Variants in CDH18 observed in about 807,000 individuals in gnomAD.
CDH18 encodes cadherin-18.
A neutral mutation model predicts 67.9 loss-of-function variants in CDH18; 31 were observed. That is an observed-to-expected ratio of 0.46 (90% CI 0.34 to 0.62). The LOEUF is 0.62. Ranked by LOEUF, CDH18 falls within the 20% of genes least tolerant of loss-of-function variation. The probability of loss-of-function intolerance (pLI) is 0.01; values close to 1 mark genes in which losing one functional copy is unlikely to be tolerated. For synonymous variants in CDH18, 362 were observed against 347.2 expected, an observed-to-expected ratio of 1.04 and a Z score of -0.48; for missense variants, 890 against 975.5, an observed-to-expected ratio of 0.91 and a Z score of 1.17.
intron 2 of CDH18, among the ~76,000 whole-genome samples, chr5:20,002,317 G>A (rs1181655052): frequency 6.6e-6 from 1 of 152,114 alleles, no homozygotes; most frequent in Non-Finnish European, 1.5e-5. Flanking sequence ...TATTTTTAAT[G>A]GAATTTGGAA....
chr5:19,783,070 G>C (rs1775312898), intron 3 of CDH18, among the ~76,000 whole-genome samples: 1 of 152,132 alleles, frequency 6.6e-6, no homozygotes, highest in Non-Finnish European at 1.5e-5. Flanking sequence ...TTGAATGAAA[G>C]TTCTTTGCTG....
At chr5:20,448,133 A>G (rs1016777624) in intron 1 of CDH18, among the ~76,000 whole-genome samples, 2 of 151,324 alleles carry the variant, frequency 1.3e-5, no homozygotes, top group African/African-American at 4.9e-5. Flanking sequence ...CCCACCTATG[A>G]TTGAGAACAT....
intron 3 of CDH18, among the ~76,000 whole-genome samples, chr5:19,797,073 T>C (rs1471549653): frequency 6.6e-6 from 1 of 151,986 alleles, no homozygotes; most frequent in Non-Finnish European, 1.5e-5. Flanking sequence ...ATAAATGATT[T>C]AAATAAAATA....
intron 1 of CDH18, among the ~76,000 whole-genome samples, chr5:20,365,573 T>G (rs563920756): frequency 6.6e-6 from 1 of 152,224 alleles, no homozygotes; most frequent in African/African-American, 2.4e-5. Flanking sequence ...TTTATATTCT[T>G]ATGTTTATTG....
chr5:19,601,974 TA>T (rs1747210405), intron 6 of CDH18, among the ~76,000 whole-genome samples: 1 of 152,070 alleles, frequency 6.6e-6, no homozygotes, highest in African/African-American at 2.4e-5. Context: ...AGCCATATGT[TA>T]AAACCCCACA....
intron 2 of CDH18, among the ~76,000 whole-genome samples, chr5:19,902,836 T>A (rs1290422102): frequency 6.6e-6 from 1 of 152,158 alleles, no homozygotes; most frequent in Non-Finnish European, 1.5e-5. Context: ...GTGGGCCTTA[T>A]CTATCTATAT....
chr5:20,309,823 T>G (rs556990099), intron 1 of CDH18, among the ~76,000 whole-genome samples: 2 of 152,346 alleles, frequency 1.3e-5, no homozygotes, highest in South Asian at 2.1e-4. Context: ...TAATTTCACA[T>G]GCATCTGCAT....
At chr5:20,271,738 A>G (rs192481033) in intron 1 of CDH18, among the ~76,000 whole-genome samples, 246 of 152,220 alleles carry the variant, frequency 1.6e-3, no homozygotes, top group African/African-American at 5.7e-3. Flanking sequence ...ACCTGCTTAC[A>G]TCTTGAGTTG....
At chr5:19,875,159 TCA>T (rs149486713) in intron 2 of CDH18, among the ~76,000 whole-genome samples, 4,962 of 152,276 alleles carry the variant, frequency 0.033, 245 homozygotes, top group African/African-American at 0.1. Flanking sequence ...CCCTGTTAAA[TCA>T]CACTTTGTCT....
intron 7 of CDH18, among the ~76,000 whole-genome samples, chr5:19,588,283 C>G (rs918837946): frequency 1.3e-5 from 2 of 151,582 alleles, no homozygotes; most frequent in African/African-American, 4.8e-5. Context: ...TTTTTTTTCT[C>G]TTGCCTGATT....
At chr5:19,784,732 T>C (rs955636939) in intron 3 of CDH18, among the ~76,000 whole-genome samples, 6 of 152,202 alleles carry the variant, frequency 3.9e-5, no homozygotes, top group Admixed American at 3.9e-4. Context: ...TTGCAAATAT[T>C]CTTGGCCTTT....
chr5:19,523,638 C>A (rs892742849), intron 9 of CDH18, among the ~76,000 whole-genome samples: 2 of 151,662 alleles, frequency 1.3e-5, no homozygotes, highest in African/African-American at 4.8e-5. Context: ...TTAACATAAG[C>A]CAGACTAACA....
chr5:20,410,399 T>C (rs546197429), intron 1 of CDH18, among the ~76,000 whole-genome samples: 1 of 151,830 alleles, frequency 6.6e-6, no homozygotes, highest in African/African-American at 2.4e-5. Flanking sequence ...GATTACCTCA[T>C]AGATGCAAAT....
At chr5:19,662,574 A>C (rs1345348847) in intron 5 of CDH18, among the ~76,000 whole-genome samples, 1 of 152,018 alleles carries the variant, frequency 6.6e-6, no homozygotes, top group East Asian at 1.9e-4. Context: ...CTGTTTGATA[A>C]AATAATTAAA....
chr5:20,268,606 C>T (rs923412025), intron 1 of CDH18, among the ~76,000 whole-genome samples: 6 of 152,124 alleles, frequency 3.9e-5, no homozygotes, highest in Non-Finnish European at 1.5e-5. Flanking sequence ...GCATGGTTAT[C>T]TTCCCAACTA....
intron 2 of CDH18, among the ~76,000 whole-genome samples, chr5:20,052,860 G>C: frequency 6.6e-6 from 1 of 152,126 alleles, no homozygotes; most frequent in East Asian, 1.9e-4. Context: ...TACTGCTCTT[G>C]GGGGAAAATC....
intron 4 of CDH18, among the ~76,000 whole-genome samples, chr5:19,744,574 CCTCT>C (rs1032183320): frequency 1.3e-5 from 2 of 150,600 alleles, no homozygotes; most frequent in African/African-American, 4.9e-5. Context: ...TAACATTTTT[CCTCT>C]CTGTTATTTT....
At chr5:20,241,240 C>T (rs891553518) in intron 2 of CDH18, among the ~76,000 whole-genome samples, 1 of 152,070 alleles carries the variant, frequency 6.6e-6, no homozygotes, top group Non-Finnish European at 1.5e-5. Context: ...TGAGACTAGG[C>T]ATAATTTTCT....
chr5:20,418,041 A>T (rs1299993128), intron 1 of CDH18, among the ~76,000 whole-genome samples: 1 of 152,006 alleles, frequency 6.6e-6, no homozygotes, highest in African/African-American at 2.4e-5. Flanking sequence ...TTTTCCACAG[A>T]TAAAGAGACT....
Sources: gnomAD v4.1 joint callset for allele counts (sites outside exome capture counted in the v4.1 genomes callset) on GRCh38, gnomAD v4.1.1 for gene constraint, MANE v1.5 for transcripts, NCBI Gene and HGNC (gene_info 2026-07-23, HGNC 2026-07-21) for gene names.